Variants in SLC2A9 observed in about 807,000 individuals in gnomAD.
SLC2A9 encodes the protein solute carrier family 2 member 9, also known as solute carrier family 2, facilitated glucose transporter member 9.
SLC2A9 carries 39 observed loss-of-function variants against 50.6 expected under a neutral mutation model. That is an observed-to-expected ratio of 0.77 (90% CI 0.60 to 1.01). SLC2A9 has a LOEUF of 1.01. Ranked by LOEUF, SLC2A9 falls within the 50% of genes least tolerant of loss-of-function variation. SLC2A9 has a pLI of 0.00. For synonymous variants in SLC2A9, 324 were observed against 276.9 expected (o/e 1.17, Z -1.69); for missense variants, 686 against 677.6 (o/e 1.01, Z -0.14).
exon 2 of SLC2A9, chr4:9,771,188 C>T (rs923595564): frequency 1.7e-5 from 5 of 294,882 alleles, no homozygotes; most frequent in Middle Eastern, 9.4e-4. Context: ...TTATATTAGT[C>T]AAGCAACTTA....
chr4:10,025,514 T>C (rs1305488102), upstream of SLC2A9, among the ~76,000 whole-genome samples: 3 of 152,172 alleles, frequency 2.0e-5, no homozygotes, highest in Non-Finnish European at 4.4e-5. Flanking sequence ...TAATAGGAGC[T>C]GAGGACTTCC....
chr4:9,783,639 A>C (rs1476325201), intron 3 of SLC2A9: 17 of 665,690 alleles, frequency 2.6e-5, no homozygotes, highest in Non-Finnish European at 3.6e-5. Context: ...GAATTGGCAG[A>C]AGCAGTTGCA....
chr4:9,955,054 C>G (rs1403730981), intron 5 of SLC2A9, among the ~76,000 whole-genome samples: 1 of 152,168 alleles, frequency 6.6e-6, no homozygotes, highest in African/African-American at 2.4e-5. Flanking sequence ...AAAAACGCCT[C>G]AAGTCAGCAT....
chr4:9,887,919 A>G (rs897023851), intron 9 of SLC2A9, among the ~76,000 whole-genome samples: 1 of 152,198 alleles, frequency 6.6e-6, no homozygotes. Context: ...AATAACTCAC[A>G]TTGATTGAGG....
In SLC2A9 at chr4:9,908,304, G is replaced by GA. The variant is rs1255144021; in HGVS notation, c.1043dup (p.Pro350SerfsTer27). On this transcript the variant is annotated frameshift_variant, in exon 8 of 12. Transcript: ENST00000264784. LOFTEE classifies it high-confidence loss of function. ...TGACGTATGGGATCTTTGCCGGAGG[G>GA]ATCCCAGCTTTTCCAAAGATGCTGT... 1.1e-5 allele frequency: 18 copies of GA among 1,613,866 alleles called. No homozygotes were observed. Among genetic ancestry groups the GA allele is most frequent in the Non-Finnish European group, 1.4e-5 (16 of 1,179,914 alleles).
chr4:9,796,960 C>A (rs1057458884), downstream of SLC2A9, among the ~76,000 whole-genome samples: 1 of 152,128 alleles, frequency 6.6e-6, no homozygotes, highest in South Asian at 2.1e-4. Flanking sequence ...TGGGGAAGTA[C>A]ACCACTTCCA....
intron 5 of SLC2A9, among the ~76,000 whole-genome samples, chr4:9,973,117 T>C (rs1206123050): frequency 6.6e-6 from 1 of 152,172 alleles, no homozygotes; most frequent in Non-Finnish European, 1.5e-5. Flanking sequence ...GGTGACATTA[T>C]AACTGATTCC....
chr4:9,967,937 T>C (rs1201474181), intron 5 of SLC2A9, among the ~76,000 whole-genome samples: 4 of 152,130 alleles, frequency 2.6e-5, no homozygotes, highest in African/African-American at 9.6e-5. Context: ...AAGTTGACTA[T>C]ATTTAAAAGG....
In SLC2A9 at chr4:10,018,842, G is replaced by A. The variant is rs1368923898; in HGVS notation, c.249+133C>T. ...GTGCCTCCCCTCTCCCCCGAGTGGG[G>A]GCTAATCTCTGTCCCCGCGGTGTCC... On this transcript the variant is annotated intron_variant, in intron 2 of 11. Coordinates refer to ENST00000264784, the MANE Select transcript of SLC2A9 (RefSeq NM_020041.3). 8 of 818,246 alleles carry A rather than the reference G, an allele frequency of 9.8e-6. No individual in the cohort carries two copies. The East Asian group carries it at 2.1e-4, about 22-fold the overall frequency. The allele number at this position is 818,246 out of a possible 1,614,324, so 50.7% of individuals were successfully genotyped here. A position where few individuals can be genotyped will look rare whatever the true frequency, so the allele number is the denominator to read the frequency against.
chr4:9,904,490 G>C (rs777375930), intron 8 of SLC2A9, among the ~76,000 whole-genome samples: 5 of 152,164 alleles, frequency 3.3e-5, no homozygotes, highest in Non-Finnish European at 7.3e-5. Context: ...GGGCTCACCT[G>C]GGTAATCCAG....
chr4:9,984,721 T>TC (rs1343905164), intron 4 of SLC2A9, among the ~76,000 whole-genome samples: 2 of 152,130 alleles, frequency 1.3e-5, no homozygotes, highest in Non-Finnish European at 2.9e-5. Context: ...CCAGCATCTG[T>TC]CCCCTTCTCT....
Position 9,890,606 on chromosome 4 carries a change from T to TCTTGTCA in SLC2A9, c.1215+3_1215+4insTGACAAG. Reference sequence around the variant, plus strand: ...CCTCAAATGTGACAAGAACATCGTCTCACCTGCAGGGTCAGCGTGATGGTG... The same window carrying TCTTGTCA: ...CCTCAAATGTGACAAGAACATCGTCTCTTGTCACACCTGCAGGGTCAGCGTGATGGTG... On this transcript the variant is annotated splice_donor_region_variant and intron_variant, in intron 9 of 11. Coordinates refer to ENST00000264784, the MANE Select transcript of SLC2A9 (RefSeq NM_020041.3). 1.2e-6 allele frequency: 2 copies of TCTTGTCA among 1,613,924 alleles called. No individual in the cohort carries two copies. The highest frequency in any genetic ancestry group is 4.5e-5 in the East Asian group (2 of 44,876).
At chr4:9,961,479 G>C (rs186136202) in intron 5 of SLC2A9, among the ~76,000 whole-genome samples, 4 of 152,314 alleles carry the variant, frequency 2.6e-5, no homozygotes, top group Middle Eastern at 3.4e-3. Context: ...AATAAATTGT[G>C]CTGGGAGAAC....
intron 9 of SLC2A9, among the ~76,000 whole-genome samples, chr4:9,887,931 C>T (rs1026390478): frequency 7.2e-5 from 11 of 152,140 alleles, no homozygotes; most frequent in Non-Finnish European, 1.6e-4. Context: ...TGATTGAGGG[C>T]TTAGTTGGCA....
At chr4:9,802,362 G>A (rs1721543465) in intron 3 of SLC2A9, among the ~76,000 whole-genome samples, 1 of 151,332 alleles carries the variant, frequency 6.6e-6, no homozygotes, top group Admixed American at 6.6e-5. Context: ...AAAATACAAT[G>A]TTGGGTCTGC....
chr4:9,782,007 C>T lies in SLC2A9; in HGVS notation n.386-1942G>A. 3 of 1,438,574 alleles carry T rather than the reference C, an allele frequency of 2.1e-6. No individual in the cohort carries two copies. The South Asian group carries it at 4.4e-5, about 21-fold the overall frequency. 89.1% of individuals were successfully genotyped at this position (1,438,574 alleles called of 1,614,324 possible). ...GGCTGAAGTTGGGACCGCGCACAGA[C>T]CGCCCCTGCAGTCCAGCCCGAAATG... On this transcript the variant is annotated intron_variant and non_coding_transcript_variant, in intron 3 of 3. Coordinates refer to the SLC2A9 transcript ENST00000503803.
chr4:10,037,955 A>G lies in SLC2A9; in HGVS notation c.-41+2175T>C, dbSNP rs148673062. On this transcript the variant is annotated intron_variant, in intron 1 of 12. Transcript: ENST00000309065. The stretch of plus-strand genomic sequence containing the variant: ...GACAGAATGAGACTCTGTCTCAAAA[A>G]TAAATAAATAATAAATAAATAAATA... 3.4e-4 allele frequency among the ~76,000 whole-genome samples: 52 copies of G among 152,188 alleles called. No individual in the cohort carries two copies. The East Asian group carries it at 9.9e-3, about 29-fold the overall frequency.
intron 1 of SLC2A9, among the ~76,000 whole-genome samples, chr4:9,773,151 C>T (rs1717070547): frequency 6.6e-6 from 1 of 152,206 alleles, no homozygotes; most frequent in South Asian, 2.1e-4. Context: ...GGAAGAGGGA[C>T]TGAGCTTTGG....
In SLC2A9 at chr4:9,826,268, G is replaced by T. The variant is rs550035001; in HGVS notation, c.*129C>A. ...CTTTTAAATATTTAATAATATAAAA[G>T]ACTTGCATAGCTTCAATTCATTTAA... On this transcript the variant is annotated 3_prime_UTR_variant, in exon 12 of 12. Coordinates refer to ENST00000264784, the MANE Select transcript of SLC2A9 (RefSeq NM_020041.3). The T allele has an allele frequency of 1.2e-5, 10 of 855,490 alleles. No homozygotes were observed. The highest frequency in any genetic ancestry group is 6.2e-5 in the Admixed American group (3 of 48,302). 53.0% of individuals were successfully genotyped at this position (855,490 alleles called of 1,614,324 possible). A position where few individuals can be genotyped will look rare whatever the true frequency, so the allele number is the denominator to read the frequency against.
Sources: gnomAD v4.1 joint callset for allele counts (sites outside exome capture counted in the v4.1 genomes callset) on GRCh38, gnomAD v4.1.1 for gene constraint, MANE v1.5 for transcripts, NCBI Gene and HGNC (gene_info 2026-07-23, HGNC 2026-07-21) for gene names.